CDH18: variants seen among roughly 807,000 people sequenced by gnomAD.
CDH18 encodes the protein cadherin 18.
In CDH18, 31 loss-of-function variants were observed where a neutral mutation model predicts 67.9. The observed-to-expected ratio is 0.46, with a 90% CI of 0.34 to 0.62. CDH18 has a LOEUF of 0.62. Ranked by LOEUF, CDH18 falls within the 20% of genes least tolerant of loss-of-function variation. The pLI, the probability that CDH18 is intolerant of heterozygous loss-of-function variation, is 0.01. For synonymous variants in CDH18, 362 were observed against 347.2 expected, an observed-to-expected ratio of 1.04 and a Z score of -0.48; for missense variants, 890 against 975.5, an observed-to-expected ratio of 0.91 and a Z score of 1.17.
At chr5:20,109,179 T>C (rs1424736428) in intron 2 of CDH18, among the ~76,000 whole-genome samples, 1 of 152,164 alleles carries the variant, frequency 6.6e-6, no homozygotes, top group Non-Finnish European at 1.5e-5. Context: ...TAATCTTTTA[T>C]GATTGAAATG....
intron 2 of CDH18, among the ~76,000 whole-genome samples, chr5:20,034,310 C>T (rs555586890): frequency 2.4e-4 from 36 of 151,976 alleles, no homozygotes; most frequent in African/African-American, 7.7e-4. Flanking sequence ...TTTTTCACAC[C>T]CCCTGTTTAT....
intron 5 of CDH18, among the ~76,000 whole-genome samples, chr5:19,637,353 A>G (rs1028032086): frequency 6.6e-6 from 1 of 152,036 alleles, no homozygotes; most frequent in African/African-American, 2.4e-5. Flanking sequence ...CTCTAATATC[A>G]CGGCTGCCAT....
At chr5:19,918,630 G>C (rs1792090041) in intron 2 of CDH18, among the ~76,000 whole-genome samples, 1 of 152,068 alleles carries the variant, frequency 6.6e-6, no homozygotes, top group Admixed American at 6.5e-5. Flanking sequence ...AATTCTAGTA[G>C]ATAATGGATA....
chr5:20,179,109 C>T lies in CDH18; in HGVS notation c.-518+76335G>A, dbSNP rs374947334. 7.0e-4 allele frequency among the ~76,000 whole-genome samples: 106 copies of T among 151,988 alleles called. No homozygotes were observed. The South Asian group carries it at 0.016, about 24-fold the overall frequency. ...CGTGAAGAGGTAAATAATTTATGTA[C>T]GTTAGAGGAAAGTGAATTTTTAATT... On this transcript the variant is annotated intron_variant, in intron 2 of 14. Transcript: ENST00000507958.
intron 1 of CDH18, among the ~76,000 whole-genome samples, chr5:20,417,238 C>T (rs771104455): frequency 2.0e-5 from 3 of 151,810 alleles, no homozygotes; most frequent in Admixed American, 6.6e-5. Context: ...TTCTGTTGCC[C>T]GAAAGTATGT....
chr5:19,979,221 TGTGTG>T (rs1561671674), intron 2 of CDH18, among the ~76,000 whole-genome samples: 2 of 150,990 alleles, frequency 1.3e-5, no homozygotes, highest in Non-Finnish European at 3.0e-5. Flanking sequence ...ATGGAGTGTG[TGTGTG>T]TGTGTGTGTG....
chr5:19,952,355 T>C (rs1795879428), intron 2 of CDH18, among the ~76,000 whole-genome samples: 2 of 152,092 alleles, frequency 1.3e-5, no homozygotes, highest in South Asian at 4.1e-4. Flanking sequence ...AGCCTATACT[T>C]TTCCAATTTC....
chr5:20,227,549 TC>T (rs1741729584), intron 2 of CDH18, among the ~76,000 whole-genome samples: 1 of 152,162 alleles, frequency 6.6e-6, no homozygotes, highest in African/African-American at 2.4e-5. Flanking sequence ...AAACTTTGAG[TC>T]CTTTTCATTT....
chr5:19,726,232 GAGTA>G (rs1218595725), intron 4 of CDH18, among the ~76,000 whole-genome samples: 1 of 152,186 alleles, frequency 6.6e-6, no homozygotes, highest in Non-Finnish European at 1.5e-5. Context: ...TGGTGATACT[GAGTA>G]AGTGATTGTT....
chr5:20,034,404 G>C (rs1739659868), intron 2 of CDH18, among the ~76,000 whole-genome samples: 1 of 152,020 alleles, frequency 6.6e-6, no homozygotes, highest in Non-Finnish European at 1.5e-5. Context: ...GATGTGGTTT[G>C]TAATGACTAA....
At chr5:20,093,709 CA>C (rs1745641606) in intron 2 of CDH18, among the ~76,000 whole-genome samples, 1 of 152,108 alleles carries the variant, frequency 6.6e-6, no homozygotes, top group Non-Finnish European at 1.5e-5. Flanking sequence ...TATTAAGGAA[CA>C]GGTAAGTGAG....
At chr5:19,926,215 G>A (rs982190750) in intron 2 of CDH18, among the ~76,000 whole-genome samples, 3 of 152,086 alleles carry the variant, frequency 2.0e-5, no homozygotes, top group Non-Finnish European at 4.4e-5. Flanking sequence ...ATTCACTAAA[G>A]TCTGAAGGAG....
intron 5 of CDH18, among the ~76,000 whole-genome samples, chr5:19,650,032 T>C (rs1161844271): frequency 6.6e-6 from 1 of 152,038 alleles, no homozygotes; most frequent in Non-Finnish European, 1.5e-5. Context: ...AATTTTACTT[T>C]TTGCAATTGG....
At chr5:20,172,252 A>ATATATACATG in intron 2 of CDH18, among the ~76,000 whole-genome samples, 6 of 135,300 alleles carry the variant, frequency 4.4e-5, no homozygotes, top group African/African-American at 1.7e-4. Flanking sequence ...ATATATATAT[A>ATATATACATG]TATATCTCCT....
intron 2 of CDH18, among the ~76,000 whole-genome samples, chr5:19,945,530 C>T (rs1366487874): frequency 1.3e-5 from 2 of 152,062 alleles, no homozygotes; most frequent in African/African-American, 4.8e-5. Flanking sequence ...AGACAATCAA[C>T]TAACATCAAT....
chr5:20,569,980 A>T (rs1289770382), intron 1 of CDH18, among the ~76,000 whole-genome samples: 1 of 152,148 alleles, frequency 6.6e-6, no homozygotes, highest in Non-Finnish European at 1.5e-5. Context: ...AAAACTATGG[A>T]TATATTAAAA....
chr5:19,591,913 T>A (rs1441126102), intron 6 of CDH18, among the ~76,000 whole-genome samples: 2 of 152,054 alleles, frequency 1.3e-5, no homozygotes, highest in Non-Finnish European at 2.9e-5. Flanking sequence ...TAAATAGCTA[T>A]AGAAAATTAA....
At chr5:19,805,714 T>A (rs1205274889) in intron 3 of CDH18, among the ~76,000 whole-genome samples, 1 of 152,138 alleles carries the variant, frequency 6.6e-6, no homozygotes, top group African/African-American at 2.4e-5. Flanking sequence ...GCAGCCCTTT[T>A]TTTTTCCCTT....
At chr5:20,424,745 TA>T (rs67349001) in intron 1 of CDH18, among the ~76,000 whole-genome samples, 394 of 42,872 alleles carry the variant, frequency 9.2e-3, no homozygotes, top group East Asian at 0.02. Context: ...AGACTCTGTC[TA>T]AAAAAAAAAA....
Sources: allele counts gnomAD v4.1 joint callset (sites outside exome capture counted in the v4.1 genomes callset), GRCh38; gene constraint gnomAD v4.1.1; transcripts MANE v1.5; gene names NCBI Gene and HGNC (gene_info 2026-07-23, HGNC 2026-07-21).